The following NFIA variants were observed in gnomAD, a reference collection of about 807,000 sequenced individuals.
NFIA encodes nuclear factor 1 A-type.
NFIA carries 8 observed loss-of-function variants against 62.8 expected under a neutral mutation model. The observed-to-expected ratio is 0.13, with a 90% CI of 0.07 to 0.23. NFIA has a LOEUF of 0.23. Among genes scored for constraint, NFIA ranks in the 10% least tolerant of loss-of-function variants. NFIA has a pLI of 1.00. For missense variants in NFIA, 410 were observed against 642.1 expected (o/e 0.64, Z 3.91); for synonymous variants, 235 against 238.1 (o/e 0.99, Z 0.12).
intron 2 of NFIA, among the ~76,000 whole-genome samples, chr1:61,167,321 AACTTTC>A (rs1330519616): frequency 6.6e-6 from 1 of 152,176 alleles, no homozygotes; most frequent in East Asian, 1.9e-4. Flanking sequence ...TGAAGACTAA[AACTTTC>A]ACTTTAAAAT....
rs998407217 is a variant in NFIA, at chr1:61,337,286, C to A, written c.700+4700C>A. On this transcript the variant is annotated intron_variant, in intron 4 of 10. Transcript: ENST00000403491. ...CTGAAGCTGCAATCTTCCGTGAACTCCCCTTTCCTCCTTGCCTCCTGCCTA... is the reference window on the plus strand; with the variant it reads ...CTGAAGCTGCAATCTTCCGTGAACTACCCTTTCCTCCTTGCCTCCTGCCTA... Among the ~76,000 whole-genome samples, 4 of 150,592 alleles carry A rather than the reference C, an allele frequency of 2.7e-5. No homozygotes were observed. The South Asian group carries it at 8.5e-4, about 32-fold the overall frequency.
chr1:61,196,392 A>G (rs777635907), intron 2 of NFIA, among the ~76,000 whole-genome samples: 39 of 152,216 alleles, frequency 2.6e-4, no homozygotes, highest in Non-Finnish European at 5.9e-5. Context: ...CACTTGAACC[A>G]GCTAAAAGCT....
chr1:61,088,268 A>G lies in NFIA; in HGVS notation c.147A>G (p.Ser49=). The G allele has an allele frequency of 2.5e-6, 4 of 1,613,706 alleles. No individual in the cohort carries two copies. Among genetic ancestry groups the G allele is most frequent in the Non-Finnish European group, 3.4e-6 (4 of 1,179,966 alleles). ...TCAAAAAACATGAAAAGCGTATGTCAAAAGAAGAAGAGAGAGCCGTGAAGG... is the reference window on the plus strand; with the variant it reads ...TCAAAAAACATGAAAAGCGTATGTCGAAAGAAGAAGAGAGAGCCGTGAAGG... The part of the protein sequence containing the change: ...KYFKKHEKRM[S]KEEERAVKDE... The change falls in exon 2 of 11, where the codon TCA becomes TCG. Residue 49 remains serine, a synonymous_variant. Transcript: ENST00000403491. The surrounding 1 kb of genome is among the most constrained non-coding windows in gnomAD (Gnocchi z 4.5).
At position 61,406,543 on chromosome 1, in the gene NFIA, G is replaced by GGGGGGGGCCCCCC; in HGVS notation, c.1255-19_1255-18insGGGGGGGCCCCCC. On this transcript the variant is annotated intron_variant, in intron 8 of 10. Coordinates refer to ENST00000403491, the MANE Select transcript of NFIA (RefSeq NM_001134673.4). ...TCTTTTTCTTGTACGTGTGTTTTCT[G>GGGGGGGGCCCCCC]CCCCCCCCCCCCCCACAGCCCAATG... 2 of 876,654 alleles carry GGGGGGGGCCCCCC rather than the reference G, an allele frequency of 2.3e-6. No individual in the cohort carries two copies. The highest frequency in any genetic ancestry group is 2.7e-5 in the African/African-American group (1 of 37,314). The allele number at this position is 876,654 out of a possible 1,614,324, so 54.3% of individuals were successfully genotyped here. A position where few individuals can be genotyped will look rare whatever the true frequency, so the allele number is the denominator to read the frequency against.
upstream of NFIA, chr1:61,081,737 C>T (rs760291004): frequency 1.3e-6 from 1 of 796,708 alleles, no homozygotes; most frequent in Admixed American, 2.9e-5. Context: ...TCTGTGGGCA[C>T]TGATTCCTCA....
chr1:61,266,056 T>G (rs1048662017), intron 2 of NFIA, among the ~76,000 whole-genome samples: 3 of 152,232 alleles, frequency 2.0e-5, no homozygotes. Flanking sequence ...CAATTGCTAG[T>G]GATGTGTTTC....
intron 2 of NFIA, among the ~76,000 whole-genome samples, chr1:61,183,515 C>T (rs1650898854): frequency 6.6e-6 from 1 of 152,354 alleles, no homozygotes; most frequent in South Asian, 2.1e-4. Context: ...AGGGTGGGAA[C>T]ACCCCAGCGA....
In NFIA at chr1:61,202,173, A is replaced by T. The variant is rs796111583; in HGVS notation, c.560-75347A>T. The stretch of plus-strand genomic sequence containing the variant: ...TTGCTTCCTATTTCTGGTAAGAGGG[A>T]ATTAAAGCGTTATCTCCCTATAGTG... On this transcript the variant is annotated intron_variant, in intron 2 of 10. Transcript: ENST00000403491. Among the ~76,000 whole-genome samples, 80 of 152,260 alleles carry T rather than the reference A, an allele frequency of 5.3e-4. 1 individual carries two copies. Among genetic ancestry groups the T allele is most frequent in the African/African-American group, 1.9e-3 (78 of 41,564 alleles).
At position 61,088,274 on chromosome 1, in the gene NFIA, A is replaced by G. The variant is rs779380344; in HGVS notation, c.153A>G (p.Glu51=). ...AACATGAAAAGCGTATGTCAAAAGAAGAAGAGAGAGCCGTGAAGGATGAAT... is the reference window on the plus strand; with the variant it reads ...AACATGAAAAGCGTATGTCAAAAGAGGAAGAGAGAGCCGTGAAGGATGAAT... The part of the protein sequence containing the change: ...FKKHEKRMSK[E]EERAVKDELL... Residue 51 remains glutamate (E), a synonymous_variant, in exon 2 of 11, where the codon GAA becomes GAG. Coordinates refer to ENST00000403491, the MANE Select transcript of NFIA (RefSeq NM_001134673.4). The surrounding 1 kb of genome is among the most constrained non-coding windows in gnomAD (Gnocchi z 4.5). 42 of 1,613,588 alleles carry G rather than the reference A, an allele frequency of 2.6e-5. No homozygotes were observed. In the South Asian group the frequency reaches 4.6e-4, roughly 18 times the overall value.
intron 6 of NFIA, among the ~76,000 whole-genome samples, chr1:61,367,433 C>T (rs1024242650): frequency 3.9e-5 from 6 of 152,146 alleles, no homozygotes; most frequent in Non-Finnish European, 7.3e-5. Flanking sequence ...GCCATGGGAT[C>T]GATGTCTTGG....
At chr1:61,087,998 A>G (rs1646249114) in intron 1 of NFIA, 151 bp from the exon 2 acceptor site, 4 of 712,132 alleles carry the variant, frequency 5.6e-6, no homozygotes, top group Non-Finnish European at 9.1e-6. Flanking sequence ...CAGACTTCCC[A>G]TAGGATCCTG....
chr1:61,191,807 C>T (rs1405919888), intron 2 of NFIA, among the ~76,000 whole-genome samples: 1 of 151,388 alleles, frequency 6.6e-6, no homozygotes, highest in African/African-American at 2.4e-5. Flanking sequence ...ATTAAAAAAC[C>T]ATAAATTTTC....
intron 2 of NFIA, among the ~76,000 whole-genome samples, chr1:61,194,653 ACTTCAC>A (rs1651872056): frequency 6.6e-6 from 1 of 152,186 alleles, no homozygotes; most frequent in South Asian, 2.1e-4. Context: ...TATGGCCTTG[ACTTCAC>A]CCTATCATTT....
intron 9 of NFIA, among the ~76,000 whole-genome samples, chr1:61,424,678 T>C (rs1329486529): frequency 6.6e-6 from 1 of 152,122 alleles, no homozygotes; most frequent in East Asian, 1.9e-4. Context: ...TCTTTATCCC[T>C]CCCACATCCT....
intron 4 of NFIA, among the ~76,000 whole-genome samples, chr1:61,342,120 T>C (rs1416165243): frequency 6.6e-6 from 1 of 152,008 alleles, no homozygotes; most frequent in South Asian, 2.1e-4. Context: ...TATGAGTACA[T>C]GTTAATACCC....
chr1:61,237,633 A>G (rs1022185172), intron 2 of NFIA, among the ~76,000 whole-genome samples: 3 of 152,214 alleles, frequency 2.0e-5, no homozygotes, highest in East Asian at 3.8e-4. Context: ...TAGTTATTCC[A>G]TGCAAGTTTT....
intron 3 of NFIA, among the ~76,000 whole-genome samples, chr1:61,302,414 C>G (rs1359524423): frequency 6.6e-6 from 1 of 152,096 alleles, no homozygotes; most frequent in Non-Finnish European, 1.5e-5. Flanking sequence ...ACTGGGAGGT[C>G]CCAGGACAGT....
At chr1:61,105,428 T>C (rs1462604188) in intron 2 of NFIA, among the ~76,000 whole-genome samples, 3 of 151,962 alleles carry the variant, frequency 2.0e-5, no homozygotes, top group African/African-American at 7.2e-5. Flanking sequence ...CTAAACAAGA[T>C]GTTTAATTAG....
intron 2 of NFIA, among the ~76,000 whole-genome samples, chr1:61,194,054 A>G (rs932348556): frequency 6.6e-6 from 1 of 152,206 alleles, no homozygotes; most frequent in Non-Finnish European, 1.5e-5. Flanking sequence ...GTTAAGATTA[A>G]CAAGATTGAT....
Sources: allele counts gnomAD v4.1 joint callset (sites outside exome capture counted in the v4.1 genomes callset), GRCh38; gene constraint gnomAD v4.1.1; non-coding constraint Gnocchi (gnomAD v3.1); transcripts MANE v1.5; gene names NCBI Gene and HGNC (gene_info 2026-07-23, HGNC 2026-07-21).